The following F8 variants were observed in gnomAD, a reference collection of about 807,000 sequenced individuals.
F8 encodes antihemophilic factor.
A neutral mutation model predicts 140.6 loss-of-function variants in F8; 12 were observed. That is an observed-to-expected ratio of 0.09 (90% confidence interval 0.05 to 0.14). The LOEUF (loss-of-function observed/expected upper bound fraction) is 0.14, where lower values mean the gene tolerates loss of function less well. Among genes scored for constraint, F8 ranks in the 10% least tolerant of loss-of-function variants. The probability of loss-of-function intolerance (pLI) is 1.00; values close to 1 mark genes in which losing one functional copy is unlikely to be tolerated. For synonymous variants in F8, 585 were observed against 614.6 expected, an observed-to-expected ratio of 0.95 and a Z score of 0.71; for missense variants, 1,354 against 1,720.7, an observed-to-expected ratio of 0.79 and a Z score of 3.77.
chrX:154,941,786 T>C (rs1158737371), intron 13 of F8, among the ~76,000 whole-genome samples: 1 of 109,819 alleles, frequency 9.1e-6, no homozygotes, highest in Non-Finnish European at 1.9e-5. Flanking sequence ...CCTCAGCAAA[T>C]GTAAAACAAC....
At chrX:154,902,602 A>T (rs1372833069) in intron 18 of F8, among the ~76,000 whole-genome samples, 2 of 111,626 alleles carry the variant, frequency 1.8e-5, no homozygotes, top group Admixed American at 9.5e-5. Context: ...CTGCAGGTGA[A>T]CACTGAGGGC....
At chrX:154,876,276 C>A (rs1300284799) in intron 22 of F8, among the ~76,000 whole-genome samples, 1 of 109,829 alleles carries the variant, frequency 9.1e-6, no homozygotes, top group African/African-American at 3.3e-5. Context: ...CCCACCACCA[C>A]ACCCAGCTAA....
chrX:154,917,518 C>A (rs1557277205), intron 14 of F8, among the ~76,000 whole-genome samples: 1 of 111,858 alleles, frequency 8.9e-6, no homozygotes, highest in Admixed American at 9.5e-5. Context: ...TCTGTTATTT[C>A]TTTGAGCTTT....
chrX:154,956,940 G>A lies in F8; in HGVS notation c.1752+17C>T. The A allele has an allele frequency of 2.5e-6, 3 of 1,189,957 alleles. No individual in the cohort carries two copies. Among genetic ancestry groups the A allele is most frequent in the East Asian group, 5.9e-5 (2 of 33,770 alleles). On this transcript the variant is annotated intron_variant, in intron 11 of 25. Coordinates refer to ENST00000360256, the MANE Select transcript of F8 (RefSeq NM_000132.4). ...CACTGAGAATGAAACCCAGCACTTG[G>A]AAAGGCAAGAACTCACCTGGTTTCC...
At chrX:154,858,155 T>G (rs2072663754) in intron 25 of F8, among the ~76,000 whole-genome samples, 1 of 111,889 alleles carries the variant, frequency 8.9e-6, no homozygotes, top group African/African-American at 3.2e-5. Flanking sequence ...AAAGTAGATA[T>G]GATGACCTGT....
Position 154,931,483 on chromosome X carries a change from G to A in F8, c.2307C>T (p.Ser769=), listed in dbSNP as rs1557278841. Residue 769 remains serine, a synonymous_variant, in exon 14 of 26, where the codon AGC becomes AGT. Transcript: ENST00000360256. ...TGGCATTAAATTGCTTTTGCCTAGT[G>A]CTAGGGTGTCTTGAATTCTGGGAGA... is the stretch of plus-strand genomic sequence containing the variant. ...RSFSQNSRHP[S]TRQKQFNATT... is the part of the protein sequence containing the mutation. 3 of 1,210,076 alleles carry A rather than the reference G, an allele frequency of 2.5e-6. No individual in the cohort carries two copies. Among genetic ancestry groups the A allele is most frequent in the Admixed American group, 2.2e-5 (1 of 45,808 alleles).
At chrX:154,984,020 G>A (rs1302322503) in intron 6 of F8, among the ~76,000 whole-genome samples, 2 of 111,863 alleles carry the variant, frequency 1.8e-5, no homozygotes, top group African/African-American at 6.5e-5. Context: ...GTTGAGGGGA[G>A]ATTTTCCATA....
intron 13 of F8, among the ~76,000 whole-genome samples, chrX:154,946,973 C>G (rs1365517153): frequency 1.8e-5 from 2 of 111,211 alleles, no homozygotes; most frequent in Non-Finnish European, 3.8e-5. Flanking sequence ...CGCCTGTAAT[C>G]CCAGCACTTT....
At chrX:154,982,834 T>C in intron 6 of F8, among the ~76,000 whole-genome samples, 1 of 112,250 alleles carries the variant, frequency 8.9e-6, no homozygotes, top group Non-Finnish European at 1.9e-5. Flanking sequence ...GTGCCACTAG[T>C]GATGCTGGAA....
intron 14 of F8, chrX:154,909,203 C>G (rs1232577794): frequency 1.1e-5 from 2 of 180,993 alleles, no homozygotes; most frequent in Admixed American, 6.2e-5. Flanking sequence ...GCAAAGCTGA[C>G]CAATCATGCT....
intron 6 of F8, among the ~76,000 whole-genome samples, chrX:154,972,054 G>C (rs1184788326): frequency 8.9e-6 from 1 of 112,139 alleles, no homozygotes; most frequent in African/African-American, 3.2e-5. Context: ...TAGTGGGATT[G>C]CTAGAAAATA....
chrX:154,978,536 A>C (rs2073500008), intron 6 of F8, among the ~76,000 whole-genome samples: 1 of 111,763 alleles, frequency 8.9e-6, no homozygotes, highest in Non-Finnish European at 1.9e-5. Context: ...TATAGTCACC[A>C]TGTTGTGCTA....
chrX:154,934,788 C>T (rs186470092), intron 13 of F8, among the ~76,000 whole-genome samples: 3 of 110,955 alleles, frequency 2.7e-5, no homozygotes, highest in East Asian at 2.8e-4. Context: ...AAACTTTCTG[C>T]GAAAAGTTTA....
chrX:154,945,452 T>C (rs1319976157), intron 13 of F8, among the ~76,000 whole-genome samples: 1 of 111,998 alleles, frequency 8.9e-6, no homozygotes, highest in East Asian at 2.8e-4. Context: ...GTTCAACATA[T>C]GGAAATGAAT....
chrX:154,892,968 A>G (rs2072954474), intron 22 of F8, among the ~76,000 whole-genome samples: 1 of 111,648 alleles, frequency 9.0e-6, no homozygotes, highest in Non-Finnish European at 1.9e-5. Flanking sequence ...AAACATTTAC[A>G]ATCTATTCTC....
intron 6 of F8, among the ~76,000 whole-genome samples, chrX:154,971,326 A>G (rs937503308): frequency 9.0e-6 from 1 of 111,597 alleles, no homozygotes; most frequent in Non-Finnish European, 1.9e-5. Flanking sequence ...GTGCTCTGAA[A>G]TGCCACAATG....
intron 14 of F8, among the ~76,000 whole-genome samples, chrX:154,916,804 T>G (rs2073100058): frequency 9.0e-6 from 1 of 110,969 alleles, no homozygotes; most frequent in Admixed American, 9.6e-5. Flanking sequence ...TTTCTATGAT[T>G]ATTATTATTA....
chrX:154,990,766 G>A (rs781813493), intron 4 of F8, among the ~76,000 whole-genome samples: 7 of 111,843 alleles, frequency 6.3e-5, no homozygotes, highest in Non-Finnish European at 1.1e-4. Context: ...TGGCCACTGC[G>A]TTGGACTCAA....
intron 21 of F8, 107 bp from the exon 22 acceptor site, chrX:154,896,339 C>T: frequency 2.4e-6 from 2 of 842,947 alleles, no homozygotes; most frequent in South Asian, 4.2e-5. Flanking sequence ...CAGGTGTGTC[C>T]ATCATTACCT....
Sources: gnomAD v4.1 joint callset for allele counts (sites outside exome capture counted in the v4.1 genomes callset) on GRCh38, gnomAD v4.1.1 for gene constraint, MANE v1.5 for transcripts, NCBI Gene and HGNC (gene_info 2026-07-23, HGNC 2026-07-21) for gene names.